TBC1D4: variants seen among roughly 807,000 people sequenced by gnomAD.
TBC1D4 encodes TBC (Tre-2, BUB2, CDC16) domain-containing protein.
TBC1D4 carries 121 observed loss-of-function variants against 142.5 expected under a neutral mutation model. That is an observed-to-expected ratio of 0.85 (90% CI 0.73 to 0.99). The LOEUF (loss-of-function observed/expected upper bound fraction) is 0.99, where lower values mean the gene tolerates loss of function less well. TBC1D4 is among the 50% of genes least tolerant of loss of function. The probability of loss-of-function intolerance (pLI) is 0.00; values close to 1 mark genes in which losing one functional copy is unlikely to be tolerated. For synonymous variants in TBC1D4, 630 were observed against 628.2 expected (o/e 1.00, Z -0.04); for missense variants, 1,475 against 1,606.6 (o/e 0.92, Z 1.40).
At chr13:75,325,027 T>C (rs1423007086) in intron 10 of TBC1D4, among the ~76,000 whole-genome samples, 1 of 152,176 alleles carries the variant, frequency 6.6e-6, no homozygotes, top group East Asian at 1.9e-4. Context: ...ATAGAAATTG[T>C]TTGAACTTAT....
rs1395186626 is a variant in TBC1D4 at position 75,286,815 on chromosome 13, C to T, written c.3874G>A (p.Ala1292Thr). The change falls in exon 21 of 21, where the codon GCC becomes ACC. Residue 1292 changes from alanine (A) to threonine (T), a missense_variant. Physicochemically the swap from Ala to Thr is moderately conservative, Grantham distance 58 (BLOSUM62 0). Around this residue, in one of 2 missense-constraint regions of TBC1D4, gnomAD observed 248 missense variants for 338.9 expected, o/e 0.73. Transcript: ENST00000377636. ...AATTATGGCTTATTTCCTATCTTGGCTTTGTTGTTAGGGTTGCAGTTTAGG... is the reference window on the plus strand; with the variant it reads ...AATTATGGCTTATTTCCTATCTTGGTTTTGTTGTTAGGGTTGCAGTTTAGG... ...RDLNCNPNNKAKIGNKP is the reference protein window; with the variant it reads ...RDLNCNPNNKTKIGNKP 1.9e-6 allele frequency: 3 copies of T among 1,613,822 alleles called. No homozygotes were observed. In the South Asian group the frequency reaches 3.3e-5, roughly 18 times the overall value.
At chr13:75,328,369 A>T (rs535439077) in intron 8 of TBC1D4, among the ~76,000 whole-genome samples, 1 of 152,186 alleles carries the variant, frequency 6.6e-6, no homozygotes, top group Non-Finnish European at 1.5e-5. Flanking sequence ...GGAAGACTAG[A>T]TATCAGTCTG....
Position 75,415,275 on chromosome 13 carries a change from C to A in TBC1D4, c.499-52668G>T, listed in dbSNP as rs545363084. On this transcript the variant is annotated intron_variant, in intron 1 of 20. Transcript: ENST00000377636. Reference sequence around the variant, plus strand: ...CTGAATTAGGACTGACAGAAGACATCCAGTTGTAGACATTCACCAGTGCTG... The same window carrying A: ...CTGAATTAGGACTGACAGAAGACATACAGTTGTAGACATTCACCAGTGCTG... Among the ~76,000 whole-genome samples the A allele has an allele frequency of 1.1e-4, 16 of 152,250 alleles. No individual in the cohort carries two copies. The East Asian group carries it at 3.1e-3, about 29-fold the overall frequency.
chr13:75,395,793 G>A (rs1566457411), intron 1 of TBC1D4, among the ~76,000 whole-genome samples: 1 of 152,130 alleles, frequency 6.6e-6, no homozygotes, highest in Non-Finnish European at 1.5e-5. Context: ...TCGTACCACT[G>A]CACTCCAGCC....
At chr13:75,297,449 C>T (rs1478416674) in intron 17 of TBC1D4, among the ~76,000 whole-genome samples, 1 of 152,026 alleles carries the variant, frequency 6.6e-6, no homozygotes, top group African/African-American at 2.4e-5. Context: ...CATCTGATTC[C>T]TATCTGATAT....
chr13:75,482,022 T>A lies in TBC1D4; in HGVS notation c.-255A>T. The A allele has an allele frequency of 2.5e-6, 1 of 402,094 alleles. No homozygotes were observed. The highest frequency in any genetic ancestry group is 4.3e-6 in the Non-Finnish European group (1 of 235,224). The allele number at this position is 402,094 out of a possible 1,614,324, so 24.9% of individuals were successfully genotyped here. A position where few individuals can be genotyped will look rare whatever the true frequency, so the allele number is the denominator to read the frequency against. ...GCGAGGGCGGGTTAAATGGGCATCCTCCTCCTTGGGCTGGCGCCTCGGGCA... is the reference window on the plus strand; with the variant it reads ...GCGAGGGCGGGTTAAATGGGCATCCACCTCCTTGGGCTGGCGCCTCGGGCA... On this transcript the variant is annotated 5_prime_UTR_variant, in exon 1 of 21. Coordinates refer to ENST00000377636, the MANE Select transcript of TBC1D4 (RefSeq NM_014832.5).
At chr13:75,395,210 TG>T (rs1424212763) in intron 1 of TBC1D4, among the ~76,000 whole-genome samples, 1 of 152,180 alleles carries the variant, frequency 6.6e-6, no homozygotes, top group Non-Finnish European at 1.5e-5. Context: ...TACTCAACAG[TG>T]GATAAGGGTA....
At chr13:75,408,928 T>C (rs1321974388) in intron 1 of TBC1D4, among the ~76,000 whole-genome samples, 4 of 152,168 alleles carry the variant, frequency 2.6e-5, no homozygotes, top group Admixed American at 6.5e-5. Flanking sequence ...ATCTTTATTA[T>C]TAAGTTGTAA....
In TBC1D4 at chr13:75,362,447, C is replaced by G; in HGVS notation, c.659G>C (p.Ser220Thr). 6.2e-7 allele frequency: 1 copy of G among 1,614,242 alleles called. No homozygotes were observed. The highest frequency in any genetic ancestry group is 8.5e-7 in the Non-Finnish European group (1 of 1,180,044). ...VTVTHKKAPS[S>T]LIDDCMEKFS... is the part of the protein sequence containing the mutation. ...CTTCTCCATGCAGTCATCGATGAGGCTTGAGGGGGCCTTCTTGTGGGTCAC... is the reference window on the plus strand; with the variant it reads ...CTTCTCCATGCAGTCATCGATGAGGGTTGAGGGGGCCTTCTTGTGGGTCAC... Residue 220 changes from serine to threonine, a missense_variant, in exon 2 of 21, where the codon AGC becomes ACC. Around this residue, in one of 2 missense-constraint regions of TBC1D4, gnomAD observed 1,227 missense variants for 1,267.7 expected, o/e 0.97. Transcript: ENST00000377636. This position sits in a 1 kb window ranked among gnomAD's most constrained non-coding sequence, Gnocchi z 4.2.
At chr13:75,451,075 T>C (rs559132057) in intron 1 of TBC1D4, among the ~76,000 whole-genome samples, 1 of 152,294 alleles carries the variant, frequency 6.6e-6, no homozygotes, top group East Asian at 1.9e-4. Context: ...CCTGCAAAAT[T>C]GATCTATTAC....
At chr13:75,351,902 A>C (rs1881635419) in intron 4 of TBC1D4, among the ~76,000 whole-genome samples, 1 of 152,224 alleles carries the variant, frequency 6.6e-6, no homozygotes, top group South Asian at 2.1e-4. Flanking sequence ...ATGGCTAATT[A>C]ACCACCCATG....
At chr13:75,404,063 T>TACAC (rs1345766063) in intron 1 of TBC1D4, among the ~76,000 whole-genome samples, 11 of 148,972 alleles carry the variant, frequency 7.4e-5, no homozygotes, top group African/African-American at 2.5e-4. Flanking sequence ...TATATATACA[T>TACAC]ACACACACAC....
Position 75,481,939 on chromosome 13 carries a change from C to G in TBC1D4, c.-172G>C, listed in dbSNP as rs996151999. 2.1e-6 allele frequency: 2 copies of G among 968,122 alleles called. No homozygotes were observed. Among genetic ancestry groups the G allele is most frequent in the Admixed American group, 4.3e-5 (1 of 23,248 alleles). 60.0% of individuals were successfully genotyped at this position (968,122 alleles called of 1,614,324 possible). ...TTCAGCAGCCCTGCCCCATGCAGCA[C>G]TTCCACGGGCGCGGCTCGGAGGCTC... is the stretch of plus-strand genomic sequence containing the variant. On this transcript the variant is annotated 5_prime_UTR_variant, in exon 1 of 21. Coordinates refer to ENST00000377636, the MANE Select transcript of TBC1D4 (RefSeq NM_014832.5).
At chr13:75,445,331 T>C (rs1887229492) in intron 1 of TBC1D4, among the ~76,000 whole-genome samples, 1 of 152,212 alleles carries the variant, frequency 6.6e-6, no homozygotes, top group African/African-American at 2.4e-5. Flanking sequence ...AATTAATGTC[T>C]CAAAATATCT....
intron 17 of TBC1D4, among the ~76,000 whole-genome samples, chr13:75,298,147 T>C (rs895024984): frequency 4.6e-5 from 7 of 152,252 alleles, no homozygotes; most frequent in Admixed American, 4.6e-4. Flanking sequence ...CTATTACTTC[T>C]TATCTAAAGC....
At chr13:75,292,044 T>A in intron 19 of TBC1D4, 58 bp downstream of exon 19, 1 of 1,420,282 alleles carries the variant, frequency 7.0e-7, no homozygotes, top group Non-Finnish European at 9.7e-7. Context: ...GCTAAAGCAT[T>A]TAATATATAT....
intron 2 of TBC1D4, among the ~76,000 whole-genome samples, chr13:75,361,411 C>T (rs1482334800): frequency 2.0e-5 from 3 of 152,128 alleles, no homozygotes; most frequent in Non-Finnish European, 4.4e-5. Context: ...GATGGAGTCT[C>T]GCTCTGTCGC....
intron 1 of TBC1D4, among the ~76,000 whole-genome samples, chr13:75,472,692 T>C (rs933999058): frequency 7.9e-5 from 12 of 152,038 alleles, no homozygotes; most frequent in South Asian, 4.1e-4. Flanking sequence ...AGGCAAGTAG[T>C]GCACAATCTG....
At chr13:75,380,725 C>T (rs1395262043) in intron 1 of TBC1D4, among the ~76,000 whole-genome samples, 1 of 152,274 alleles carries the variant, frequency 6.6e-6, no homozygotes, top group Non-Finnish European at 1.5e-5. Flanking sequence ...CACAAGACCA[C>T]CTCCTATGGG....
Sources: allele counts gnomAD v4.1 joint callset (sites outside exome capture counted in the v4.1 genomes callset), GRCh38; gene constraint gnomAD v4.1.1; regional missense constraint gnomAD v4.1.1; non-coding constraint Gnocchi (gnomAD v3.1); transcripts MANE v1.5; gene names NCBI Gene and HGNC (gene_info 2026-07-23, HGNC 2026-07-21).